The following HPN variants were observed in gnomAD, a reference collection of about 807,000 sequenced individuals.
HPN encodes the protein hepsin.
Under a neutral mutation model 55.9 loss-of-function variants are expected in HPN, and 13 were observed. The observed-to-expected ratio is 0.23, with a 90% CI of 0.15 to 0.37. HPN has a LOEUF of 0.37. HPN is among the 10% of genes least tolerant of loss of function. The pLI, the probability that HPN is intolerant of heterozygous loss-of-function variation, is 1.00. For missense variants in HPN, 451 were observed against 575.8 expected, an observed-to-expected ratio of 0.78 and a Z score of 2.22; for synonymous variants, 225 against 240.3, an observed-to-expected ratio of 0.94 and a Z score of 0.59.
At chr19:35,059,290 GTC>G (rs911623993) in intron 4 of HPN, 15 of 353,966 alleles carry the variant, frequency 4.2e-5, no homozygotes, top group African/African-American at 3.1e-4. Context: ...AGCAAGACCC[GTC>G]TCTACAAAAC....
Position 35,059,733 on chromosome 19 carries a change from G to A in HPN, c.221G>A (p.Arg74Gln). 1.3e-6 allele frequency: 2 copies of A among 1,596,328 alleles called. No homozygotes were observed. Among genetic ancestry groups the A allele is most frequent in the Non-Finnish European group, 1.7e-6 (2 of 1,172,324 alleles). ...TTTGACAAGACGGAAGGGACGTGGC[G>A]GCTGCTGTGCTCCTCGCGCTCCAAC... Reference protein sequence around the residue: ...MVFDKTEGTWRLLCSSRSNAR... With the variant: ...MVFDKTEGTWQLLCSSRSNAR... The change falls in exon 5 of 13, where the codon CGG (arginine) becomes CAG (glutamine). Residue 74 changes from arginine (R) to glutamine (Q), a missense_variant. Coordinates refer to ENST00000672452, the MANE Select transcript of HPN (RefSeq NM_001384133.1).
chr19:35,064,404 A>T (rs1406927006), intron 9 of HPN, among the ~76,000 whole-genome samples: 1 of 151,618 alleles, frequency 6.6e-6, no homozygotes, highest in South Asian at 2.1e-4. Flanking sequence ...GCTGGAGTGC[A>T]ATGGCGCAAT....
At chr19:35,059,447 A>C (rs1396933577) in intron 4 of HPN, 7 of 675,914 alleles carry the variant, frequency 1.0e-5, no homozygotes, top group African/African-American at 1.8e-5. Context: ...ACACCACTAC[A>C]CTCCAGCCTG....
chr19:35,063,246 G>A (rs1427346369), intron 9 of HPN, among the ~76,000 whole-genome samples: 2 of 152,240 alleles, frequency 1.3e-5, no homozygotes, highest in Non-Finnish European at 2.9e-5. Context: ...AAAGATTTGT[G>A]CCCAGGTGGA....
At position 35,059,732 on chromosome 19, in the gene HPN, C is replaced by T. The variant is rs1290046647; in HGVS notation, c.220C>T (p.Arg74Trp). ...CTTTGACAAGACGGAAGGGACGTGG[C>T]GGCTGCTGTGCTCCTCGCGCTCCAA... is the stretch of plus-strand genomic sequence containing the variant. ...MVFDKTEGTW[R>W]LLCSSRSNAR... The change falls in exon 5 of 13, where the codon CGG (arginine) becomes TGG (tryptophan). Residue 74 changes from arginine to tryptophan, a missense_variant. Transcript: ENST00000672452. 14 of 1,596,118 alleles carry T rather than the reference C, an allele frequency of 8.8e-6. No homozygotes were observed. Among genetic ancestry groups the T allele is most frequent in the Non-Finnish European group, 1.2e-5 (14 of 1,172,256 alleles).
intron 4 of HPN, among the ~76,000 whole-genome samples, chr19:35,058,566 ATAT>A (rs1350848287): frequency 2.0e-5 from 3 of 147,162 alleles, no homozygotes; most frequent in South Asian, 2.1e-4. Context: ...TAATATATTA[ATAT>A]TATATTATAA....
rs970896654 is a variant in HPN at position 35,065,295 on chromosome 19, T to G, written c.857T>G (p.Val286Gly). The G allele has an allele frequency of 6.2e-7, 1 of 1,613,908 alleles. No individual in the cohort carries two copies. The highest frequency in any genetic ancestry group is 8.5e-7 in the Non-Finnish European group (1 of 1,179,952). ...CTCCCAGCTGCCGGCCAGGCCCTGG[T>G]GGATGGCAAGATCTGTACCGTGACG... is the stretch of plus-strand genomic sequence containing the variant. ...VCLPAAGQAL[V>G]DGKICTVTGW... The change falls in exon 10 of 13, where the codon GTG becomes GGG. Residue 286 changes from valine to glycine, a missense_variant. Around this residue, in one of 2 missense-constraint regions of HPN, gnomAD observed 378 missense variants for 445.5 expected, o/e 0.85. Transcript: ENST00000672452.
intron 2 of HPN, among the ~76,000 whole-genome samples, chr19:35,047,707 C>G (rs1180987166): frequency 6.6e-6 from 1 of 151,950 alleles, no homozygotes; most frequent in Non-Finnish European, 1.5e-5. Context: ...GATGAAAAAA[C>G]TGAGGGTCAG....
intron 8 of HPN, 33 bp downstream of exon 8, chr19:35,060,545 A>C (rs1600394038): frequency 6.2e-7 from 1 of 1,611,626 alleles, no homozygotes; most frequent in Non-Finnish European, 8.5e-7. Context: ...GATGATGGGG[A>C]GGCAGAGGAG....
chr19:35,046,349 A>G (rs887460646), intron 2 of HPN, among the ~76,000 whole-genome samples: 1 of 151,696 alleles, frequency 6.6e-6, no homozygotes, highest in African/African-American at 2.4e-5. Context: ...GGTTCAAGCG[A>G]TTCTCCTGCC....
intron 2 of HPN, among the ~76,000 whole-genome samples, chr19:35,047,343 A>G (rs941330758): frequency 4.6e-5 from 7 of 152,126 alleles, no homozygotes; most frequent in African/African-American, 1.7e-4. Context: ...CCCTCTGCCC[A>G]CAGTGCCCTT....
rs1338989640 is a variant in HPN, at chr19:35,041,988, GGGGGCACTATGAC to G, written c.-55+118_-55+130del. 4.9e-4 allele frequency: 582 copies of G among 1,186,876 alleles called. 10 individuals are homozygous for G. In the South Asian group the frequency reaches 7.9e-3, roughly 16 times the overall value. 73.5% of individuals were successfully genotyped at this position (1,186,876 alleles called of 1,614,324 possible). ...AGAGGGGTTCCTGGGGACCTGAAGA[GGGGGCACTATGAC>G]GTCCCCCCAAGCACCTAGGTGTTCT... On this transcript the variant is annotated intron_variant, in intron 1 of 12. Transcript: ENST00000672452.
At chr19:35,065,724 C>G (rs762906547) in intron 11 of HPN, 43 bp downstream of exon 11, 3 of 1,612,078 alleles carry the variant, frequency 1.9e-6, no homozygotes, top group South Asian at 2.2e-5. Flanking sequence ...GCTGCCACCC[C>G]AGGGATGGAG....
At chr19:35,063,128 C>G (rs1220554036) in intron 9 of HPN, among the ~76,000 whole-genome samples, 1 of 152,210 alleles carries the variant, frequency 6.6e-6, no homozygotes, top group Non-Finnish European at 1.5e-5. Context: ...GCAACCCCAG[C>G]ACACCCTGGT....
In HPN at chr19:35,066,045, T is replaced by C. The variant is rs938349461; in HGVS notation, c.1215+13T>C. On this transcript the variant is annotated intron_variant, in intron 12 of 12. Transcript: ENST00000672452. Reference sequence around the variant, plus strand: ...CCAGGCCATAAAGGTGAAAGTTGGGTCCAGATGGGAGCCAGGGTGGGGACG... The same window carrying C: ...CCAGGCCATAAAGGTGAAAGTTGGGCCCAGATGGGAGCCAGGGTGGGGACG... 31 of 1,609,606 alleles carry C rather than the reference T, an allele frequency of 1.9e-5. No individual in the cohort carries two copies. The highest frequency in any genetic ancestry group is 8.3e-5 in the Admixed American group (5 of 59,998).
At chr19:35,041,634 A>C, upstream of HPN, 2 of 1,150,546 alleles carry the variant, frequency 1.7e-6, no homozygotes, top group South Asian at 1.6e-5. Flanking sequence ...CGGCCCCATC[A>C]GCCAGGTGGC....
At chr19:35,041,037 C>A (rs72550255), upstream of HPN, among the ~76,000 whole-genome samples, 1 of 152,224 alleles carries the variant, frequency 6.6e-6, no homozygotes, top group Non-Finnish European at 1.5e-5. Context: ...TGACGTGGGC[C>A]GCGCCTGGCT....
chr19:35,053,039 T>C (rs557655288), intron 4 of HPN, among the ~76,000 whole-genome samples: 19 of 152,300 alleles, frequency 1.2e-4, no homozygotes, highest in African/African-American at 4.1e-4. Context: ...GCTTTTTTTT[T>C]CCTGGGATTT....
intron 2 of HPN, among the ~76,000 whole-genome samples, chr19:35,048,761 G>A (rs1380513213): frequency 6.6e-6 from 1 of 152,098 alleles, no homozygotes; most frequent in Admixed American, 6.5e-5. Context: ...AAATGAGGCT[G>A]GCAGATTTTC....
Sources: allele counts gnomAD v4.1 joint callset (sites outside exome capture counted in the v4.1 genomes callset), GRCh38; gene constraint gnomAD v4.1.1; regional missense constraint gnomAD v4.1.1; transcripts MANE v1.5; gene names NCBI Gene and HGNC (gene_info 2026-07-23, HGNC 2026-07-21).